Variants in CENPW observed in about 807,000 individuals in gnomAD.
CENPW encodes the protein centromere protein W.
CENPW carries 3 observed loss-of-function variants against 11.1 expected under a neutral mutation model. The ratio of observed to expected loss-of-function variants is 0.27; its 90% CI spans 0.12 to 0.70. CENPW has a LOEUF of 0.70. Ranked by LOEUF, CENPW falls within the 30% of genes least tolerant of loss-of-function variation. The pLI, the probability that CENPW is intolerant of heterozygous loss-of-function variation, is 0.77. For synonymous variants in CENPW, 38 were observed against 42.0 expected, an observed-to-expected ratio of 0.91 and a Z score of 0.37; for missense variants, 100 against 105.6, an observed-to-expected ratio of 0.95 and a Z score of 0.23.
At chr6:126,453,834 T>C in the CENPW span, among the ~76,000 whole-genome samples, 3 of 151,042 alleles carry the variant, frequency 2.0e-5, no homozygotes, top group Non-Finnish European at 4.4e-5. Context: ...ATGACACCCA[T>C]AGGTGCAGGG....
chr6:126,474,735 A>G, the CENPW span, among the ~76,000 whole-genome samples: 1 of 152,134 alleles, frequency 6.6e-6, no homozygotes, highest in Non-Finnish European at 1.5e-5. Context: ...CCTCTTATTC[A>G]CTGGTTTTAC....
chr6:126,398,734 C>T, the CENPW span, among the ~76,000 whole-genome samples: 13 of 151,782 alleles, frequency 8.6e-5, no homozygotes, highest in African/African-American at 2.7e-4. Flanking sequence ...GTGACACTGA[C>T]GTTTGGGGTA....
the CENPW span, among the ~76,000 whole-genome samples, chr6:126,375,696 C>T: frequency 6.6e-6 from 1 of 152,050 alleles, no homozygotes; most frequent in Non-Finnish European, 1.5e-5. Flanking sequence ...ACTTCTTGCT[C>T]TAATGCTGCT....
chr6:126,367,915 G>A, the CENPW span, among the ~76,000 whole-genome samples: 1 of 152,170 alleles, frequency 6.6e-6, no homozygotes, highest in African/African-American at 2.4e-5. Flanking sequence ...CCAGTTGAGG[G>A]TAAACACTGA....
chr6:126,403,844 T>C, the CENPW span, among the ~76,000 whole-genome samples: 1 of 152,120 alleles, frequency 6.6e-6, no homozygotes, highest in African/African-American at 2.4e-5. Context: ...TCAATGTAGA[T>C]GAAATAGATT....
At chr6:126,368,818 G>C in the CENPW span, among the ~76,000 whole-genome samples, 3 of 151,888 alleles carry the variant, frequency 2.0e-5, no homozygotes, top group South Asian at 6.2e-4. Context: ...CTAATTTTTT[G>C]TGTTTTTTGG....
the CENPW span, among the ~76,000 whole-genome samples, chr6:126,434,804 C>T: frequency 6.6e-6 from 1 of 151,834 alleles, no homozygotes; most frequent in Non-Finnish European, 1.5e-5. Context: ...TGTTTCTGTT[C>T]CTGAGAATAA....
the CENPW span, among the ~76,000 whole-genome samples, chr6:126,373,272 T>C: frequency 6.6e-6 from 1 of 152,240 alleles, no homozygotes; most frequent in Non-Finnish European, 1.5e-5. Flanking sequence ...TAACACACTA[T>C]GCTTGAGAAT....
At chr6:126,390,067 CAGAA>C in the CENPW span, among the ~76,000 whole-genome samples, 1 of 151,886 alleles carries the variant, frequency 6.6e-6, no homozygotes, top group African/African-American at 2.4e-5. Flanking sequence ...CTGCAAAAGC[CAGAA>C]AGAATGCTGG....
At chr6:126,440,979 C>A in the CENPW span, among the ~76,000 whole-genome samples, 1 of 151,430 alleles carries the variant, frequency 6.6e-6, no homozygotes, top group African/African-American at 2.4e-5. Flanking sequence ...GAATTTGACT[C>A]CCTTCTAACA....
chr6:126,365,000 A>T, the CENPW span, among the ~76,000 whole-genome samples: 1 of 152,210 alleles, frequency 6.6e-6, no homozygotes, highest in African/African-American at 2.4e-5. Context: ...GCACATAAAC[A>T]TGCTCAAAAT....
the CENPW span, among the ~76,000 whole-genome samples, chr6:126,472,387 G>A: frequency 6.6e-6 from 1 of 152,114 alleles, no homozygotes; most frequent in African/African-American, 2.4e-5. Context: ...TTTTCCACAG[G>A]TTTATATGAA....
chr6:126,470,382 G>A, the CENPW span, among the ~76,000 whole-genome samples: 5 of 152,220 alleles, frequency 3.3e-5, no homozygotes, highest in Admixed American at 2.6e-4. Flanking sequence ...CAGAAGACAA[G>A]AGTTGAGGTT....
the CENPW span, among the ~76,000 whole-genome samples, chr6:126,469,416 A>T: frequency 6.6e-6 from 1 of 152,328 alleles, no homozygotes; most frequent in African/African-American, 2.4e-5. Context: ...ACTATGAGTC[A>T]GTTAAACCTC....
At chr6:126,360,485 A>G in the CENPW span, among the ~76,000 whole-genome samples, 1 of 152,152 alleles carries the variant, frequency 6.6e-6, no homozygotes, top group African/African-American at 2.4e-5. Flanking sequence ...GGCTAGATTA[A>G]GGAAATTTTT....
At chr6:126,452,610 A>G in the CENPW span, among the ~76,000 whole-genome samples, 1 of 151,060 alleles carries the variant, frequency 6.6e-6, no homozygotes, top group Admixed American at 6.6e-5. Flanking sequence ...AGATATTTTT[A>G]AAAACTAAGA....
chr6:126,481,013 T>G, the CENPW span, among the ~76,000 whole-genome samples: 49 of 152,126 alleles, frequency 3.2e-4, 1 homozygote, highest in African/African-American at 1.0e-3. Flanking sequence ...AATGGGCAAA[T>G]GGAATCAGCT....
chr6:126,457,456 G>A, the CENPW span, among the ~76,000 whole-genome samples: 8 of 151,284 alleles, frequency 5.3e-5, no homozygotes, highest in African/African-American at 7.2e-5. Context: ...AAACTAACGC[G>A]GGAGCAGAAA....
chr6:126,441,851 G>C, the CENPW span, among the ~76,000 whole-genome samples: 1 of 151,584 alleles, frequency 6.6e-6, no homozygotes. Flanking sequence ...TCCACTCATT[G>C]ATTAATGAGT....
Sources: gnomAD v4.1 joint callset for allele counts (sites outside exome capture counted in the v4.1 genomes callset) on GRCh38, gnomAD v4.1.1 for gene constraint, MANE v1.5 for transcripts, NCBI Gene and HGNC (gene_info 2026-07-23, HGNC 2026-07-21) for gene names.